Variants in C10orf143 observed in about 807,000 individuals in gnomAD.
C10orf143 encodes chromosome 10 open reading frame 143, also known as uncharacterized protein C10orf143.
intron 3 of C10orf143, among the ~76,000 whole-genome samples, chr10:130,051,278 C>T (rs1036012206): frequency 5.3e-5 from 8 of 149,690 alleles, no homozygotes; most frequent in Non-Finnish European, 8.9e-5. Flanking sequence ...CCCTCTCCTA[C>T]CCCCGCCTCA....
At chr10:130,064,517 G>A in intron 3 of C10orf143, 134 bp from the exon 4 acceptor site, 1 of 386,128 alleles carries the variant, frequency 2.6e-6, no homozygotes, top group Non-Finnish European at 4.6e-6. Flanking sequence ...CTTAATTCCT[G>A]AGGTATCTGT....
chr10:130,060,163 A>C (rs572083535), downstream of C10orf143, among the ~76,000 whole-genome samples: 48 of 152,246 alleles, frequency 3.2e-4, no homozygotes, highest in African/African-American at 1.1e-3. Flanking sequence ...TTGTGGGTGC[A>C]AAGTGCTCCA....
intron 1 of C10orf143, among the ~76,000 whole-genome samples, chr10:130,086,951 G>A (rs1004453401): frequency 7.2e-5 from 11 of 152,192 alleles, no homozygotes; most frequent in Admixed American, 2.0e-4. Flanking sequence ...ATTCTTCAAG[G>A]GGCGCAGGGG....
intron 1 of C10orf143, among the ~76,000 whole-genome samples, chr10:130,102,328 C>T (rs1182993): frequency 0.58 from 88,732 of 151,886 alleles, 27,177 homozygotes; most frequent in Admixed American, 0.7. Flanking sequence ...CCACCCAAGC[C>T]GAAGTGCAGT....
At chr10:130,084,752 T>C (rs1861264507) in intron 1 of C10orf143, among the ~76,000 whole-genome samples, 2 of 152,146 alleles carry the variant, frequency 1.3e-5, no homozygotes, top group Admixed American at 1.3e-4. Context: ...ACCTAGAAAT[T>C]GGTTTCGAAA....
chr10:130,055,077 C>T (rs1860780410), intron 3 of C10orf143, among the ~76,000 whole-genome samples: 1 of 152,028 alleles, frequency 6.6e-6, no homozygotes, highest in Non-Finnish European at 1.5e-5. Flanking sequence ...TTAAAGACTT[C>T]AATGTAAGTC....
intron 1 of C10orf143, among the ~76,000 whole-genome samples, chr10:130,082,164 TAC>T (rs1251035550): frequency 6.6e-6 from 1 of 151,960 alleles, no homozygotes; most frequent in African/African-American, 2.4e-5. Context: ...GGACTTTTTA[TAC>T]ATACATATAT....
At chr10:130,052,142 C>T (rs1011408130) in intron 3 of C10orf143, among the ~76,000 whole-genome samples, 2 of 148,536 alleles carry the variant, frequency 1.3e-5, no homozygotes, top group East Asian at 2.0e-4. Context: ...CCCTCTCCCG[C>T]CCCCACCTCA....
chr10:130,056,864 T>C lies in C10orf143; in HGVS notation c.298-20894A>G, dbSNP rs1184789852. ...CCTCGGTCTCCCAAAGTGCTGGGAT[T>C]ACAGGCGTGAGCCACTGTGCCCGGC... On this transcript the variant is annotated intron_variant and NMD_transcript_variant, in intron 3 of 5. Coordinates refer to the C10orf143 transcript ENST00000643056. This position sits in a 1 kb window ranked among gnomAD's most constrained non-coding sequence, Gnocchi z 4.6. Among the ~76,000 whole-genome samples, 2 of 152,164 alleles carry C rather than the reference T, an allele frequency of 1.3e-5. No homozygotes were observed. The highest frequency in any genetic ancestry group is 1.3e-4 in the Admixed American group (2 of 15,280).
downstream of C10orf143, among the ~76,000 whole-genome samples, chr10:130,060,680 C>T (rs1026338804): frequency 2.6e-5 from 4 of 151,958 alleles, no homozygotes; most frequent in East Asian, 3.9e-4. Context: ...AAAAATTAGC[C>T]GGGCGTGGTA....
At chr10:130,049,465 C>T (rs752879) in intron 3 of C10orf143, among the ~76,000 whole-genome samples, 22,107 of 152,228 alleles carry the variant, frequency 0.15, 2,174 homozygotes, top group Non-Finnish European at 0.21. Context: ...TGCGGCAGAC[C>T]GGGCAGCCCC....
At chr10:130,105,828 A>C (rs1216380145) in intron 1 of C10orf143, among the ~76,000 whole-genome samples, 5 of 152,184 alleles carry the variant, frequency 3.3e-5, no homozygotes, top group Admixed American at 6.5e-5. Context: ...GCGCGGGTCC[A>C]ACATGTGCTA....
rs138838854 is a variant in C10orf143, at chr10:130,043,254, T to A, written c.298-7284A>T. Among the ~76,000 whole-genome samples the A allele has an allele frequency of 2.1e-3, 315 of 152,180 alleles. 3 individuals carry two copies. Among genetic ancestry groups the A allele is most frequent in the African/African-American group, 7.3e-3 (302 of 41,494 alleles). ...TCCCAAGGAGTTATACGGCAAAAAA[T>A]TGATCATCATTACTTATAAACATGC... On this transcript the variant is annotated intron_variant and NMD_transcript_variant, in intron 3 of 5. Transcript: ENST00000643056.
chr10:130,103,305 T>A (rs112562632), intron 1 of C10orf143, among the ~76,000 whole-genome samples: 4 of 152,150 alleles, frequency 2.6e-5, no homozygotes, highest in African/African-American at 7.2e-5. Context: ...ATTCTCTGCC[T>A]TTTCCTTTGG....
intron 1 of C10orf143, among the ~76,000 whole-genome samples, chr10:130,092,794 C>G (rs1479275733): frequency 6.6e-6 from 1 of 151,812 alleles, no homozygotes; most frequent in Non-Finnish European, 1.5e-5. Flanking sequence ...GACTTTAAAC[C>G]AATGAAGATC....
chr10:130,075,445 A>G (rs1861099766), intron 3 of C10orf143, among the ~76,000 whole-genome samples: 1 of 152,194 alleles, frequency 6.6e-6, no homozygotes, highest in South Asian at 2.1e-4. Flanking sequence ...GACCTCTGTT[A>G]GAAACAGCAA....
rs527776326 is a variant in C10orf143, at chr10:130,039,840, G to T, written c.298-3870C>A. Reference sequence around the variant, plus strand: ...GGTACTGTGGATGACTCTGAGGAAAGCACAGTGGGTGACTACCAATTTGCT... The same window carrying T: ...GGTACTGTGGATGACTCTGAGGAAATCACAGTGGGTGACTACCAATTTGCT... On this transcript the variant is annotated intron_variant and NMD_transcript_variant, in intron 3 of 5. Transcript: ENST00000643056. 4.6e-5 allele frequency among the ~76,000 whole-genome samples: 7 copies of T among 152,264 alleles called. No individual in the cohort carries two copies. In the South Asian group the frequency reaches 1.2e-3, roughly 27 times the overall value.
chr10:130,042,484 A>G (rs909633358), intron 3 of C10orf143, among the ~76,000 whole-genome samples: 10 of 152,270 alleles, frequency 6.6e-5, no homozygotes, highest in Non-Finnish European at 1.3e-4. Flanking sequence ...CTGGACAATT[A>G]GCTGGCGTGT....
chr10:130,059,875 T>C (rs1487495280), downstream of C10orf143, among the ~76,000 whole-genome samples: 3 of 152,158 alleles, frequency 2.0e-5, no homozygotes, highest in Non-Finnish European at 2.9e-5. Context: ...TGATGAAGCA[T>C]GTAGAAATTT....
Sources: gnomAD v4.1 joint callset for allele counts (sites outside exome capture counted in the v4.1 genomes callset) on GRCh38, gnomAD v4.1.1 for gene constraint, Gnocchi (gnomAD v3.1) non-coding constraint, MANE v1.5 for transcripts, NCBI Gene and HGNC (gene_info 2026-07-23, HGNC 2026-07-21) for gene names.